The following TNRC6C variants were observed in gnomAD, a reference collection of about 807,000 sequenced individuals.
The protein encoded by TNRC6C is trinucleotide repeat-containing gene 6C protein.
TNRC6C carries 20 observed loss-of-function variants against 153.7 expected under a neutral mutation model. That is an observed-to-expected ratio of 0.13 (90% CI 0.09 to 0.19). The LOEUF is 0.19. TNRC6C is among the 10% of genes least tolerant of loss of function. The probability of loss-of-function intolerance (pLI) is 1.00; values close to 1 mark genes in which losing one functional copy is unlikely to be tolerated. For missense variants in TNRC6C, 1,987 were observed against 2,172.0 expected, an observed-to-expected ratio of 0.91 and a Z score of 1.69; for synonymous variants, 811 against 841.4, an observed-to-expected ratio of 0.96 and a Z score of 0.63.
intron 1 of TNRC6C, among the ~76,000 whole-genome samples, chr17:77,992,729 T>G (rs2071270769): frequency 6.6e-6 from 1 of 152,206 alleles, no homozygotes; most frequent in South Asian, 2.1e-4. Flanking sequence ...GTCGCCTGTG[T>G]GAGGTACCCA....
intron 11 of TNRC6C, among the ~76,000 whole-genome samples, chr17:78,084,324 A>G (rs1230203263): frequency 5.0e-5 from 7 of 140,146 alleles, no homozygotes; most frequent in East Asian, 2.0e-4. Flanking sequence ...CATGAAGGAG[A>G]AAAAAAAAAA....
chr17:77,984,318 G>C lies in TNRC6C; in HGVS notation c.-37-19852G>C, dbSNP rs115127296. 1.6e-3 allele frequency among the ~76,000 whole-genome samples: 239 copies of C among 150,904 alleles called. 3 individuals are homozygous for C. The highest frequency in any genetic ancestry group is 5.7e-3 in the African/African-American group (232 of 40,970). ...GGATTGCTTGAGCCCAGGAGTTTGA[G>C]GCCAGACTGGGCAACATAGCAAGAC... On this transcript the variant is annotated intron_variant, in intron 1 of 22. Transcript: ENST00000636222.
Position 78,049,104 on chromosome 17 carries a change from C to T in TNRC6C, c.42C>T (p.Thr14=), listed in dbSNP as rs758542586. ...CCCAGGGCAACTTCACTGGACATAC[C>T]AAGAAGACAAATGGCAATAATGGCA... Residue 14 remains threonine (T), a synonymous_variant, in exon 3 of 20, where the codon ACC becomes ACT. Coordinates refer to ENST00000301624, the Ensembl canonical transcript of TNRC6C. This position sits in a 1 kb window ranked among gnomAD's most constrained non-coding sequence, Gnocchi z 4.1. The T allele has an allele frequency of 1.4e-5, 22 of 1,577,794 alleles. No individual in the cohort carries two copies. Among genetic ancestry groups the T allele is most frequent in the Non-Finnish European group, 1.7e-6 (2 of 1,161,452 alleles).
In TNRC6C at chr17:78,079,650, C is replaced by G; in HGVS notation, c.3357+109C>G. On this transcript the variant is annotated intron_variant, in intron 10 of 19. Coordinates refer to ENST00000301624, the Ensembl canonical transcript of TNRC6C. The surrounding 1 kb of genome is among the most constrained non-coding windows in gnomAD (Gnocchi z 4.3). ...ATTTTAAAGTGAGAGCGGAGTTAAT[C>G]CATGTTTAAGAGAAGGCCTTCTGGT... is the stretch of plus-strand genomic sequence containing the variant. 3.5e-6 allele frequency: 5 copies of G among 1,410,628 alleles called. No homozygotes were observed. The highest frequency in any genetic ancestry group is 2.9e-5 in the South Asian group (2 of 68,070). 87.4% of individuals were successfully genotyped at this position (1,410,628 alleles called of 1,614,324 possible).
intron 1 of TNRC6C, among the ~76,000 whole-genome samples, chr17:78,007,531 T>C (rs1188716702): frequency 1.3e-5 from 2 of 152,242 alleles, no homozygotes; most frequent in Non-Finnish European, 2.9e-5. Flanking sequence ...CTAGTATTAG[T>C]GTTCACACAT....
intron 1 of TNRC6C, among the ~76,000 whole-genome samples, chr17:77,960,498 ATAAC>A (rs1355913709): frequency 3.9e-5 from 6 of 152,238 alleles, no homozygotes; most frequent in Admixed American, 2.6e-4. Context: ...TTGGAATTGA[ATAAC>A]TATGCGAATG....
At chr17:78,103,693 G>A in intron 19 of TNRC6C, 140 bp downstream of exon 22, 4 of 1,250,254 alleles carry the variant, frequency 3.2e-6, no homozygotes, top group Non-Finnish European at 4.3e-6. Flanking sequence ...CTGGAGGCTG[G>A]AAGTCTGATA....
At chr17:78,064,623 A>G in intron 3 of TNRC6C, 99 bp from the exon 6 acceptor site, 1 of 1,155,100 alleles carries the variant, frequency 8.7e-7, no homozygotes, top group Non-Finnish European at 1.3e-6. Flanking sequence ...CTAAGGATAG[A>G]TTATCTTGAA....
chr17:78,091,268 A>AGCT, intron 13 of TNRC6C, 172 bp from the exon 16 acceptor site: 1 of 644,216 alleles, frequency 1.6e-6, no homozygotes, highest in Non-Finnish European at 2.3e-6. Context: ...GGAGGTTGCA[A>AGCT]TGAGCCAAGA....
chr17:78,093,294 T>A (rs577168513), intron 15 of TNRC6C, 170 bp downstream of exon 17: 1 of 829,006 alleles, frequency 1.2e-6, no homozygotes, highest in South Asian at 1.8e-5. Flanking sequence ...CAATTTTGGG[T>A]ATGGTTAGCA....
At chr17:78,066,828 C>T (rs2072889476) in intron 4 of TNRC6C, 1 of 152,178 alleles carries the variant, frequency 6.6e-6, no homozygotes, top group African/African-American at 2.4e-5. Context: ...CAACCTCAGG[C>T]CTGCCAGACT....
upstream of TNRC6C, among the ~76,000 whole-genome samples, chr17:78,001,341 C>G (rs555847849): frequency 1.3e-5 from 2 of 152,306 alleles, no homozygotes; most frequent in Admixed American, 6.5e-5. Context: ...ATCAGATTTC[C>G]TCCTTACCTA....
chr17:78,094,062 C>T (rs115722453), intron 16 of TNRC6C, among the ~76,000 whole-genome samples: 159 of 151,312 alleles, frequency 1.1e-3, no homozygotes, highest in African/African-American at 3.8e-3. Flanking sequence ...TCTCTGCAAT[C>T]TCCACCTTCT....
chr17:78,009,035 T>C (rs2071573372), intron 1 of TNRC6C, among the ~76,000 whole-genome samples: 1 of 152,166 alleles, frequency 6.6e-6, no homozygotes, highest in Non-Finnish European at 1.5e-5. Context: ...GAATATCGTC[T>C]TTGCGTTGGT....
At chr17:78,045,176 C>A (rs1400976920) in intron 2 of TNRC6C, among the ~76,000 whole-genome samples, 2 of 152,080 alleles carry the variant, frequency 1.3e-5, no homozygotes, top group African/African-American at 4.8e-5. Context: ...TGGGAAGAGA[C>A]CTGTTGGAAA....
chr17:78,089,991 T>C (rs1488543882), intron 13 of TNRC6C, among the ~76,000 whole-genome samples: 1 of 152,146 alleles, frequency 6.6e-6, no homozygotes, highest in African/African-American at 2.4e-5. Context: ...AAGGCCAGGT[T>C]GAAGCCCTGA....
chr17:77,996,960 A>G (rs2071337922), intron 1 of TNRC6C, among the ~76,000 whole-genome samples: 2 of 152,162 alleles, frequency 1.3e-5, no homozygotes, highest in Admixed American at 1.3e-4. Context: ...ACCTTATTTC[A>G]CAGAGACAGC....
intron 10 of TNRC6C, among the ~76,000 whole-genome samples, chr17:78,080,304 G>A (rs1356617449): frequency 6.6e-6 from 1 of 152,220 alleles, no homozygotes; most frequent in Non-Finnish European, 1.5e-5. Flanking sequence ...AAATTAGCCA[G>A]GTGTGGTGGC....
At chr17:78,011,468 G>A (rs1172431896) in intron 1 of TNRC6C, among the ~76,000 whole-genome samples, 1 of 152,200 alleles carries the variant, frequency 6.6e-6, no homozygotes, top group Non-Finnish European at 1.5e-5. Flanking sequence ...TTCACTCAGT[G>A]TATTGCTTTT....
Sources: allele counts gnomAD v4.1 joint callset (sites outside exome capture counted in the v4.1 genomes callset), GRCh38; gene constraint gnomAD v4.1.1; non-coding constraint Gnocchi (gnomAD v3.1); transcripts MANE v1.5; gene names NCBI Gene and HGNC (gene_info 2026-07-23, HGNC 2026-07-21).